PTGER3: variants seen among roughly 807,000 people sequenced by gnomAD.
PTGER3 encodes prostaglandin E receptor 3, also known as prostaglandin E2 receptor EP3 subtype.
PTGER3 carries 22 observed loss-of-function variants against 34.7 expected under a neutral mutation model. The observed-to-expected ratio is 0.63, with a 90% confidence interval of 0.45 to 0.91. The LOEUF (loss-of-function observed/expected upper bound fraction) is 0.91. PTGER3 is among the 40% of genes least tolerant of loss of function. PTGER3 has a pLI of 0.00. For missense variants in PTGER3, 468 were observed against 519.4 expected (o/e 0.90, Z 0.96); for synonymous variants, 241 against 230.1 (o/e 1.05, Z -0.43).
intron 1 of PTGER3, among the ~76,000 whole-genome samples, chr1:71,026,479 T>C (rs1408090943): frequency 6.6e-6 from 1 of 152,142 alleles, no homozygotes; most frequent in Middle Eastern, 3.2e-3. Flanking sequence ...AAATAATGGT[T>C]AGTACTTACA....
intron 4 of PTGER3, among the ~76,000 whole-genome samples, chr1:70,867,158 C>T (rs1646060147): frequency 2.0e-5 from 3 of 152,222 alleles, no homozygotes; most frequent in Non-Finnish European, 4.4e-5. Context: ...GTTTCCTCTT[C>T]TGCAAATTCC....
At chr1:70,953,070 A>G in intron 3 of PTGER3, 1 of 1,563,552 alleles carries the variant, frequency 6.4e-7, no homozygotes, top group Non-Finnish European at 8.6e-7. Flanking sequence ...CTAACCACAG[A>G]TCAAAATATT....
Position 70,971,185 on chromosome 1 carries a change from A to G in PTGER3, c.*545T>C, listed in dbSNP as rs1263360310. 2.0e-6 allele frequency: 2 copies of G among 985,302 alleles called. No individual in the cohort carries two copies. Among genetic ancestry groups the G allele is most frequent in the Admixed American group, 6.1e-5 (1 of 16,264 alleles). The allele number at this position is 985,302 out of a possible 1,614,324, so 61.0% of individuals were successfully genotyped here. ...GCCCACAGGGACACAACATCTCTAA[A>G]ACATTAATCATAATTGGGCACAAAT... On this transcript the variant is annotated 3_prime_UTR_variant, in exon 4 of 4. Transcript: ENST00000306666.
At chr1:71,007,403 A>G in intron 2 of PTGER3, 1 of 985,760 alleles carries the variant, frequency 1.0e-6, no homozygotes, top group Non-Finnish European at 1.2e-6. Context: ...AGAGTTCAGC[A>G]GTCAATAATG....
intron 4 of PTGER3, among the ~76,000 whole-genome samples, chr1:70,926,105 T>C (rs1328574410): frequency 1.3e-5 from 2 of 152,144 alleles, no homozygotes; most frequent in Non-Finnish European, 2.9e-5. Context: ...GGAGAGACAA[T>C]CCATGTGAGA....
At chr1:70,984,763 G>A (rs1195357988) in intron 2 of PTGER3, among the ~76,000 whole-genome samples, 1 of 151,724 alleles carries the variant, frequency 6.6e-6, no homozygotes, top group African/African-American at 2.4e-5. Context: ...AAGTCAATAA[G>A]CAAAGCCCAA....
intron 2 of PTGER3, among the ~76,000 whole-genome samples, chr1:70,960,084 C>T (rs1004544630): frequency 2.6e-5 from 4 of 152,080 alleles, no homozygotes; most frequent in African/African-American, 9.7e-5. Flanking sequence ...AACTCCAAAG[C>T]TTGCTGGCAG....
At chr1:70,984,285 G>T (rs1654689408) in intron 2 of PTGER3, among the ~76,000 whole-genome samples, 1 of 151,772 alleles carries the variant, frequency 6.6e-6, no homozygotes, top group South Asian at 2.1e-4. Context: ...TACTTGGAAG[G>T]CTGAGGCACA....
intron 4 of PTGER3, among the ~76,000 whole-genome samples, chr1:70,875,956 A>G (rs1297403197): frequency 1.3e-5 from 2 of 152,168 alleles, no homozygotes; most frequent in East Asian, 1.9e-4. Context: ...CACATACTCA[A>G]TAATGGGATT....
chr1:70,859,210 A>G, intron 4 of PTGER3, among the ~76,000 whole-genome samples: 1 of 152,250 alleles, frequency 6.6e-6, no homozygotes, highest in East Asian at 1.9e-4. Flanking sequence ...TCCATAAATT[A>G]TTCCTTAGAA....
chr1:70,892,852 A>G (rs998543723), intron 4 of PTGER3, among the ~76,000 whole-genome samples: 9 of 151,794 alleles, frequency 5.9e-5, no homozygotes, highest in African/African-American at 9.7e-5. Context: ...AAAAAAAAAA[A>G]AAAGAAAGAA....
At chr1:70,912,987 T>G (rs557405909) in intron 4 of PTGER3, among the ~76,000 whole-genome samples, 1 of 152,162 alleles carries the variant, frequency 6.6e-6, no homozygotes, top group South Asian at 2.1e-4. Context: ...ACTCTAGCTT[T>G]TTGACATTTT....
intron 1 of PTGER3, 30 bp from the exon 2 acceptor site, chr1:71,012,514 A>G: frequency 1.3e-6 from 2 of 1,586,724 alleles, no homozygotes; most frequent in Non-Finnish European, 8.6e-7. Flanking sequence ...AATTGTTTCA[A>G]AGATTAGTAA....
intron 4 of PTGER3, among the ~76,000 whole-genome samples, chr1:70,915,497 A>C (rs1227106495): frequency 6.6e-6 from 1 of 151,958 alleles, no homozygotes; most frequent in African/African-American, 2.4e-5. Flanking sequence ...AGGTCACTGA[A>C]TTTGAAGTCA....
chr1:71,035,287 A>G lies in PTGER3; in HGVS notation c.897+11394T>C, dbSNP rs1310839835. ...TCTCATTCCTAATCTTAAGCAATCT[A>G]CTTATGTGTTTCTCCCTTTCCCTTC... is the stretch of plus-strand genomic sequence containing the variant. On this transcript the variant is annotated intron_variant, in intron 1 of 3. Coordinates refer to ENST00000306666, the MANE Select transcript of PTGER3 (RefSeq NM_198719.2). 2.6e-5 allele frequency among the ~76,000 whole-genome samples: 4 copies of G among 152,328 alleles called. No homozygotes were observed. In the South Asian group the frequency reaches 8.3e-4, roughly 32 times the overall value.
intron 4 of PTGER3, among the ~76,000 whole-genome samples, chr1:70,858,162 T>C (rs1171450421): frequency 6.6e-6 from 1 of 151,786 alleles, no homozygotes; most frequent in African/African-American, 2.4e-5. Context: ...ATAGAGGCAA[T>C]GATCTACTGA....
At chr1:70,910,224 G>A (rs562670185) in intron 4 of PTGER3, among the ~76,000 whole-genome samples, 6 of 152,272 alleles carry the variant, frequency 3.9e-5, no homozygotes, top group Admixed American at 2.6e-4. Context: ...CACTCAAAAT[G>A]ATCTCATTGG....
intron 1 of PTGER3, among the ~76,000 whole-genome samples, chr1:71,026,698 C>A (rs1236944448): frequency 2.6e-5 from 4 of 151,782 alleles, no homozygotes; most frequent in African/African-American, 4.8e-5. Flanking sequence ...TGCTGTGGGA[C>A]TTTGGTCATG....
At chr1:70,857,606 G>T (rs1489582299) in intron 4 of PTGER3, among the ~76,000 whole-genome samples, 1 of 151,944 alleles carries the variant, frequency 6.6e-6, no homozygotes, top group East Asian at 1.9e-4. Flanking sequence ...CATGATCTCG[G>T]CTCCCTGCAA....
Sources: allele counts gnomAD v4.1 joint callset (sites outside exome capture counted in the v4.1 genomes callset), GRCh38; gene constraint gnomAD v4.1.1; transcripts MANE v1.5; gene names NCBI Gene and HGNC (gene_info 2026-07-23, HGNC 2026-07-21).